Variants in FOXP1 observed in about 807,000 individuals in gnomAD.
FOXP1 encodes the protein forkhead box protein P1.
A neutral mutation model predicts 98.2 loss-of-function variants in FOXP1; 15 were observed. That is an observed-to-expected ratio of 0.15 (90% confidence interval 0.10 to 0.24). The LOEUF (loss-of-function observed/expected upper bound fraction) is 0.24, where lower values mean the gene tolerates loss of function less well. Among genes scored for constraint, FOXP1 ranks in the 10% least tolerant of loss-of-function variants. The pLI is 1.00. For synonymous variants in FOXP1, 371 were observed against 314.5 expected (o/e 1.18, Z -1.90); for missense variants, 633 against 848.5 (o/e 0.75, Z 3.15).
chr3:71,211,716 C>A (rs1246734767), intron 5 of FOXP1, among the ~76,000 whole-genome samples: 1 of 152,128 alleles, frequency 6.6e-6, no homozygotes, highest in Admixed American at 6.5e-5. Flanking sequence ...CAACTCCTCC[C>A]CAGAATGAAA....
chr3:71,233,017 T>TA (rs1244641512), intron 5 of FOXP1, among the ~76,000 whole-genome samples: 1 of 151,476 alleles, frequency 6.6e-6, no homozygotes, highest in East Asian at 1.9e-4. Flanking sequence ...AGGTGTGATG[T>TA]GCCTCTAGTC....
chr3:71,506,933 G>A lies in FOXP1; in HGVS notation c.-297-13378C>T, dbSNP rs1292904224. On this transcript the variant is annotated intron_variant, in intron 2 of 20. Coordinates refer to ENST00000649528, the MANE Select transcript of FOXP1 (RefSeq NM_001349338.3). ...AAAGTCCCTACCTCCAAGCATTGCT[G>A]AGATTAAATTATCCAATTGGAGAGC... Among the ~76,000 whole-genome samples, 3 of 152,308 alleles carry A rather than the reference G, an allele frequency of 2.0e-5. No individual in the cohort carries two copies. In the South Asian group the frequency reaches 6.2e-4, roughly 32 times the overall value.
intron 6 of FOXP1, among the ~76,000 whole-genome samples, chr3:71,118,653 C>T (rs773715122): frequency 1.3e-5 from 2 of 152,090 alleles, no homozygotes; most frequent in Non-Finnish European, 2.9e-5. Context: ...AACTATAGCC[C>T]GTGGACCAAA....
intron 11 of FOXP1, among the ~76,000 whole-genome samples, chr3:71,016,360 G>A (rs1387457875): frequency 1.3e-5 from 2 of 152,154 alleles, no homozygotes; most frequent in African/African-American, 4.8e-5. Flanking sequence ...CAAGTCATGG[G>A]ATGCTTTGAT....
At position 71,065,086 on chromosome 3, in the gene FOXP1, C is replaced by A. The variant is rs1379057794; in HGVS notation, c.283-11313G>T. Among the ~76,000 whole-genome samples the A allele has an allele frequency of 2.7e-5, 4 of 148,940 alleles. No homozygotes were observed. In the East Asian group the frequency reaches 7.9e-4, roughly 30 times the overall value. On this transcript the variant is annotated intron_variant, in intron 7 of 20. Coordinates refer to ENST00000649528, the MANE Select transcript of FOXP1 (RefSeq NM_001349338.3). ...TGGGCTCCGCGGCCCGCGCCCCGCG[C>A]CCGCGCGCCCCGGCCCCCTCCGCGC...
At chr3:71,062,941 C>T (rs926414473) in intron 7 of FOXP1, among the ~76,000 whole-genome samples, 4 of 152,134 alleles carry the variant, frequency 2.6e-5, no homozygotes, top group Non-Finnish European at 5.9e-5. Flanking sequence ...TTTTTATTTG[C>T]ATCTTCTTAA....
At chr3:71,042,005 C>T (rs572614953) in intron 10 of FOXP1, among the ~76,000 whole-genome samples, 65 of 152,240 alleles carry the variant, frequency 4.3e-4, no homozygotes, top group Non-Finnish European at 7.4e-4. Context: ...TTATTAATCA[C>T]TTTTAGACAT....
chr3:71,512,170 C>G (rs906515495), intron 2 of FOXP1, among the ~76,000 whole-genome samples: 4 of 152,118 alleles, frequency 2.6e-5, no homozygotes, highest in African/African-American at 9.7e-5. Context: ...GGAGGGGAAC[C>G]AGGGGTTGAA....
At chr3:71,479,398 T>G (rs751377335) in intron 3 of FOXP1, among the ~76,000 whole-genome samples, 20 of 152,214 alleles carry the variant, frequency 1.3e-4, no homozygotes, top group Admixed American at 2.0e-4. Context: ...TTAAGTGAAT[T>G]ATATCTAAAT....
intron 19 of FOXP1, among the ~76,000 whole-genome samples, chr3:70,968,051 C>CA (rs1056921922): frequency 1.6e-4 from 25 of 152,204 alleles, no homozygotes; most frequent in African/African-American, 5.5e-4. Context: ...CTTTGGCTCT[C>CA]AAAGTATTCT....
intron 3 of FOXP1, among the ~76,000 whole-genome samples, chr3:71,373,106 T>C (rs1260583841): frequency 6.6e-6 from 1 of 152,222 alleles, no homozygotes; most frequent in African/African-American, 2.4e-5. Flanking sequence ...TTGTAAGTAT[T>C]CTATGTTAAC....
chr3:71,264,968 C>T (rs1018661050), intron 5 of FOXP1, among the ~76,000 whole-genome samples: 6 of 152,076 alleles, frequency 3.9e-5, no homozygotes, highest in Admixed American at 3.3e-4. Context: ...GATCACATAG[C>T]GAGAAAGGTG....
chr3:70,960,028 G>A (rs1204926499), intron 20 of FOXP1, among the ~76,000 whole-genome samples: 5 of 152,152 alleles, frequency 3.3e-5, no homozygotes, highest in Non-Finnish European at 5.9e-5. Flanking sequence ...GGCTAATCAT[G>A]GCTTGCTGTG....
chr3:71,434,375 C>G (rs1325332290), intron 3 of FOXP1, among the ~76,000 whole-genome samples: 1 of 152,122 alleles, frequency 6.6e-6, no homozygotes, highest in East Asian at 1.9e-4. Flanking sequence ...GCACCTCTTG[C>G]TGTCCCTCCC....
chr3:71,555,190 G>A (rs1439649468), intron 2 of FOXP1, among the ~76,000 whole-genome samples: 2 of 152,032 alleles, frequency 1.3e-5, no homozygotes, highest in East Asian at 1.9e-4. Flanking sequence ...ACTCTGCAGC[G>A]GGACTTCTCA....
chr3:71,430,471 G>T (rs1228981826), intron 3 of FOXP1, among the ~76,000 whole-genome samples: 1 of 151,456 alleles, frequency 6.6e-6, no homozygotes, highest in Non-Finnish European at 1.5e-5. Context: ...TTTGATGCTT[G>T]TCTGTGATAT....
At chr3:71,147,812 A>C (rs2060383922) in intron 6 of FOXP1, among the ~76,000 whole-genome samples, 1 of 152,228 alleles carries the variant, frequency 6.6e-6, no homozygotes, top group Non-Finnish European at 1.5e-5. Flanking sequence ...AGTAAAAAAA[A>C]AATTCTCGTC....
chr3:71,077,055 A>G (rs1393134361), intron 7 of FOXP1, among the ~76,000 whole-genome samples: 1 of 152,262 alleles, frequency 6.6e-6, no homozygotes, highest in Non-Finnish European at 1.5e-5. Context: ...AAGTTTTTAA[A>G]TAATATCACA....
At chr3:71,106,573 C>T (rs1294527180) in intron 7 of FOXP1, among the ~76,000 whole-genome samples, 3 of 151,828 alleles carry the variant, frequency 2.0e-5, no homozygotes, top group African/African-American at 7.3e-5. Flanking sequence ...ATCCGCTCGC[C>T]TTGGCTTCTC....
Sources: gnomAD v4.1 joint callset for allele counts (sites outside exome capture counted in the v4.1 genomes callset) on GRCh38, gnomAD v4.1.1 for gene constraint, MANE v1.5 for transcripts, NCBI Gene and HGNC (gene_info 2026-07-23, HGNC 2026-07-21) for gene names.